Variants in PMM2 observed in about 807,000 individuals in gnomAD.
PMM2 encodes the protein phosphomannomutase 2, also known as mannose-6-phosphate isomerase.
A neutral mutation model predicts 33.2 loss-of-function variants in PMM2; 35 were observed. The observed-to-expected ratio is 1.06, with a 90% confidence interval of 0.81 to 1.40. The LOEUF is 1.40. Ranked by LOEUF, PMM2 falls within the 40% of genes most tolerant of loss-of-function variation. The pLI is 0.00. For missense variants in PMM2, 386 were observed against 306.0 expected, an observed-to-expected ratio of 1.26 and a Z score of -1.95; for synonymous variants, 153 against 114.7, an observed-to-expected ratio of 1.33 and a Z score of -2.13.
chr16:8,838,856 C>G (rs2060870543), intron 7 of PMM2, among the ~76,000 whole-genome samples: 1 of 151,628 alleles, frequency 6.6e-6, no homozygotes. Context: ...ATACATCAGG[C>G]CAGATTGATT....
chr16:8,841,483 G>GA (rs1255998334), intron 7 of PMM2, among the ~76,000 whole-genome samples: 1 of 137,332 alleles, frequency 7.3e-6, no homozygotes, highest in Non-Finnish European at 1.6e-5. Context: ...TGATGTGTAG[G>GA]GAAGGGAAGG....
intron 7 of PMM2, among the ~76,000 whole-genome samples, chr16:8,843,306 C>T (rs1011118400): frequency 5.3e-5 from 8 of 152,248 alleles, no homozygotes; most frequent in South Asian, 2.1e-4. Flanking sequence ...CAAAGCTTGG[C>T]GTCCGTGATG....
intron 4 of PMM2, chr16:8,809,079 A>G (rs1414891323): frequency 6.6e-6 from 1 of 152,202 alleles, no homozygotes; most frequent in Non-Finnish European, 1.5e-5. Flanking sequence ...AGGTAACCAG[A>G]GCAAGTGCCA....
At chr16:8,842,570 T>A (rs909098730) in intron 7 of PMM2, among the ~76,000 whole-genome samples, 24 of 152,254 alleles carry the variant, frequency 1.6e-4, no homozygotes, top group African/African-American at 5.1e-4. Flanking sequence ...GAAAGAAGCA[T>A]CTTTAAGATC....
At chr16:8,832,504 C>A (rs551822914) in intron 7 of PMM2, 2 of 985,302 alleles carry the variant, frequency 2.0e-6, no homozygotes, top group African/African-American at 3.5e-5. Flanking sequence ...AGGCCTCTGT[C>A]CCTGCATGTG....
chr16:8,823,494 G>A lies in PMM2; in HGVS notation c.639+10388G>A, dbSNP rs183848856. On this transcript the variant is annotated intron_variant, in intron 7 of 7. Transcript: ENST00000268261. ...TCCTTATTTTTATTAAAGACAAACC[G>A]TAGTAGGACAAGTTTACTTGCAAAA... 1.3e-3 allele frequency among the ~76,000 whole-genome samples: 195 copies of A among 152,176 alleles called. 1 individual carries two copies. The highest frequency in any genetic ancestry group is 3.6e-3 in the African/African-American group (149 of 41,532).
intron 7 of PMM2, among the ~76,000 whole-genome samples, chr16:8,825,294 G>T (rs184824216): frequency 3.5e-4 from 53 of 152,174 alleles, no homozygotes; most frequent in African/African-American, 1.3e-3. Context: ...GCCTCCCAAA[G>T]TGCTAGGATT....
At chr16:8,839,661 G>C (rs1264800202) in intron 7 of PMM2, among the ~76,000 whole-genome samples, 1 of 151,962 alleles carries the variant, frequency 6.6e-6, no homozygotes, top group Non-Finnish European at 1.5e-5. Flanking sequence ...AAGTTTGTCA[G>C]TATTGATAGC....
In PMM2 at chr16:8,831,243, T is replaced by G. The variant is rs142575608; in HGVS notation, c.640-16481T>G. On this transcript the variant is annotated intron_variant, in intron 7 of 7. Transcript: ENST00000268261. Reference sequence around the variant, plus strand: ...GACAGCTTGGAGGTTAGAAGCAAGATGGAGTCAGGCCAGATCTCTTTCACT... The same window carrying G: ...GACAGCTTGGAGGTTAGAAGCAAGAGGGAGTCAGGCCAGATCTCTTTCACT... Among the ~76,000 whole-genome samples, 1,351 of 152,346 alleles carry G rather than the reference T, an allele frequency of 8.9e-3. 33 individuals are homozygous for G. The highest frequency in any genetic ancestry group is 0.031 in the African/African-American group (1,283 of 41,584).
intron 7 of PMM2, chr16:8,832,233 G>C (rs537515911): frequency 1.0e-6 from 1 of 985,404 alleles, no homozygotes; most frequent in Admixed American, 6.1e-5. Context: ...GGAGAGAAAG[G>C]AAGGCCTGAG....
At chr16:8,804,024 T>TTTTG (rs2060631044) in intron 2 of PMM2, among the ~76,000 whole-genome samples, 1 of 92,076 alleles carries the variant, frequency 1.1e-5, no homozygotes, top group South Asian at 3.7e-4. Context: ...TTTTTTGGGT[T>TTTTG]TTTTTTGTTT....
intron 7 of PMM2, among the ~76,000 whole-genome samples, chr16:8,842,775 G>T (rs1053101363): frequency 1.3e-5 from 2 of 152,210 alleles, no homozygotes; most frequent in African/African-American, 4.8e-5. Context: ...AGAAGCCTAT[G>T]CTGTAGCAGG....
chr16:8,826,865 C>T (rs1383163081), intron 7 of PMM2, among the ~76,000 whole-genome samples: 3 of 152,092 alleles, frequency 2.0e-5, no homozygotes, highest in Non-Finnish European at 4.4e-5. Flanking sequence ...CTTGGACTGT[C>T]TGACTTGTCC....
intron 7 of PMM2, among the ~76,000 whole-genome samples, chr16:8,845,422 G>C (rs1207269659): frequency 6.6e-6 from 1 of 152,132 alleles, no homozygotes; most frequent in Non-Finnish European, 1.5e-5. Context: ...AGTCATAGGG[G>C]ATGCGATGGC....
intron 7 of PMM2, chr16:8,832,830 G>A (rs546505553): frequency 1.3e-5 from 13 of 985,396 alleles, no homozygotes; most frequent in Middle Eastern, 5.2e-4. Flanking sequence ...CCTCTTCAGC[G>A]TCTTCTCTGA....
At chr16:8,825,036 TTTG>T (rs760477869) in intron 7 of PMM2, among the ~76,000 whole-genome samples, 5 of 152,224 alleles carry the variant, frequency 3.3e-5, no homozygotes, top group Non-Finnish European at 5.9e-5. Flanking sequence ...TAGTTTTGTT[TTTG>T]TTGTTGTTTG....
At chr16:8,834,016 G>A (rs377070559) in intron 7 of PMM2, among the ~76,000 whole-genome samples, 1 of 150,122 alleles carries the variant, frequency 6.7e-6, no homozygotes, top group Middle Eastern at 3.2e-3. Context: ...GACTAGACAG[G>A]AGATAGTAGG....
At chr16:8,831,435 G>T in intron 7 of PMM2, among the ~76,000 whole-genome samples, 1 of 152,234 alleles carries the variant, frequency 6.6e-6, no homozygotes, top group East Asian at 1.9e-4. Context: ...TACTCAGGAG[G>T]CTGAGGTGGG....
At chr16:8,798,247 A>C (rs1178229744) in intron 1 of PMM2, among the ~76,000 whole-genome samples, 1 of 152,254 alleles carries the variant, frequency 6.6e-6, no homozygotes. Context: ...CTGATAGACC[A>C]GGATTTCAAC....
Sources: allele counts gnomAD v4.1 joint callset (sites outside exome capture counted in the v4.1 genomes callset), GRCh38; gene constraint gnomAD v4.1.1; transcripts MANE v1.5; gene names NCBI Gene and HGNC (gene_info 2026-07-23, HGNC 2026-07-21).